MARCHF1: variants seen among roughly 807,000 people sequenced by gnomAD.
MARCHF1 encodes E3 ubiquitin-protein ligase MARCHF1.
MARCHF1 carries 40 observed loss-of-function variants against 54.2 expected under a neutral mutation model. That is an observed-to-expected ratio of 0.74 (90% CI 0.57 to 0.96). The LOEUF is 0.96. MARCHF1 is among the 40% of genes least tolerant of loss of function. MARCHF1 has a pLI of 0.00. For synonymous variants in MARCHF1, 236 were observed against 236.3 expected, an observed-to-expected ratio of 1.00 and a Z score of 0.01; for missense variants, 586 against 656.5, an observed-to-expected ratio of 0.89 and a Z score of 1.17.
At chr4:163,623,607 T>C (rs530732027) in intron 5 of MARCHF1, among the ~76,000 whole-genome samples, 63 of 152,308 alleles carry the variant, frequency 4.1e-4, no homozygotes, top group African/African-American at 1.5e-3. Context: ...ATCCATCTCA[T>C]TGACTTTCAG....
intron 1 of MARCHF1, among the ~76,000 whole-genome samples, chr4:164,181,401 G>A (rs1462804534): frequency 6.6e-6 from 1 of 152,110 alleles, no homozygotes; most frequent in African/African-American, 2.4e-5. Context: ...CACTATGTAT[G>A]TCTAATTTTT....
Position 163,671,962 on chromosome 4 carries a change from T to C in MARCHF1, c.162+28851A>G, listed in dbSNP as rs568881038. Among the ~76,000 whole-genome samples the C allele has an allele frequency of 5.3e-5, 8 of 152,304 alleles. No individual in the cohort carries two copies. In the South Asian group the frequency reaches 1.7e-3, roughly 32 times the overall value. On this transcript the variant is annotated intron_variant, in intron 5 of 9. Transcript: ENST00000514618. ...TCTGTATTTTAGGAGTAATCAAAGATTATTGTTCAGATAAAGAAAAGATGA... is the reference window on the plus strand; with the variant it reads ...TCTGTATTTTAGGAGTAATCAAAGACTATTGTTCAGATAAAGAAAAGATGA...
At chr4:163,899,258 A>G (rs1750884452) in intron 3 of MARCHF1, among the ~76,000 whole-genome samples, 1 of 152,164 alleles carries the variant, frequency 6.6e-6, no homozygotes, top group South Asian at 2.1e-4. Context: ...TCTAACTCCC[A>G]TTAGACTTTT....
chr4:163,903,714 G>A (rs1439380327), intron 3 of MARCHF1, among the ~76,000 whole-genome samples: 1 of 151,882 alleles, frequency 6.6e-6, no homozygotes, highest in African/African-American at 2.4e-5. Context: ...AGGCTCAAGT[G>A]ATTTTCCTGC....
intron 3 of MARCHF1, among the ~76,000 whole-genome samples, chr4:163,929,963 A>ATATTAT (rs56692278): frequency 0.015 from 936 of 62,144 alleles, 11 homozygotes; most frequent in East Asian, 0.043. Context: ...TATTATATAT[A>ATATTAT]ATATATATAA....
intron 1 of MARCHF1, among the ~76,000 whole-genome samples, chr4:164,358,935 GC>G (rs1331703063): frequency 6.6e-6 from 1 of 151,964 alleles, no homozygotes; most frequent in African/African-American, 2.4e-5. Flanking sequence ...TATTTTTATA[GC>G]AATGATGTTT....
intron 7 of MARCHF1, among the ~76,000 whole-genome samples, chr4:163,591,282 C>A (rs7661161): frequency 0.019 from 2,845 of 151,986 alleles, 78 homozygotes; most frequent in African/African-American, 0.063. Flanking sequence ...ATACCTTTGA[C>A]ACCTTCCCTC....
At chr4:164,172,258 A>G (rs963507876) in intron 1 of MARCHF1, among the ~76,000 whole-genome samples, 2 of 152,200 alleles carry the variant, frequency 1.3e-5, no homozygotes, top group African/African-American at 4.8e-5. Context: ...AACAAATTAA[A>G]TTCTTGTTTA....
chr4:164,229,158 T>C (rs1374146553), intron 1 of MARCHF1, among the ~76,000 whole-genome samples: 2 of 152,244 alleles, frequency 1.3e-5, no homozygotes, highest in Non-Finnish European at 2.9e-5. Flanking sequence ...AACAAATTCT[T>C]TGACACATCT....
chr4:163,613,099 CAG>C (rs969930790), intron 6 of MARCHF1, 61 bp from the exon 7 acceptor site: 26 of 1,392,130 alleles, frequency 1.9e-5, no homozygotes, highest in East Asian at 5.1e-5. Flanking sequence ...CATGGAAAAA[CAG>C]AGAGAGAGAA....
intron 4 of MARCHF1, among the ~76,000 whole-genome samples, chr4:163,821,478 C>T (rs1327112264): frequency 6.6e-6 from 1 of 151,834 alleles, no homozygotes; most frequent in African/African-American, 2.4e-5. Flanking sequence ...TTTCAATCAT[C>T]CAGATTGATA....
chr4:163,937,348 A>G (rs1190177432), intron 3 of MARCHF1, among the ~76,000 whole-genome samples: 1 of 152,126 alleles, frequency 6.6e-6, no homozygotes, highest in East Asian at 1.9e-4. Flanking sequence ...AGTTAATAAC[A>G]AAAGCTACAG....
intron 8 of MARCHF1, among the ~76,000 whole-genome samples, chr4:163,549,494 AC>A (rs1422133371): frequency 6.6e-6 from 1 of 151,564 alleles, no homozygotes; most frequent in East Asian, 1.9e-4. Flanking sequence ...TACACTGCCG[AC>A]CCTCTGATCT....
chr4:163,717,281 A>C (rs1037939186), intron 4 of MARCHF1, among the ~76,000 whole-genome samples: 2 of 151,330 alleles, frequency 1.3e-5, no homozygotes, highest in African/African-American at 2.4e-5. Context: ...TTTGCTGAGA[A>C]TGATGGTTTC....
intron 4 of MARCHF1, among the ~76,000 whole-genome samples, chr4:163,774,502 CTT>C (rs369862555): frequency 1.5e-5 from 2 of 137,862 alleles, no homozygotes; most frequent in African/African-American, 2.7e-5. Context: ...AAGTGTTAGG[CTT>C]TTTTTTTTTT....
In MARCHF1 at chr4:163,873,629, G is replaced by A. The variant is rs78808386; in HGVS notation, c.-38-19460C>T. Among the ~76,000 whole-genome samples the A allele has an allele frequency of 7.0e-3, 1,068 of 152,292 alleles. 3 individuals carry two copies. Among genetic ancestry groups the A allele is most frequent in the Non-Finnish European group, 0.012 (834 of 68,014 alleles). On this transcript the variant is annotated intron_variant, in intron 3 of 9. Coordinates refer to ENST00000514618, the MANE Select transcript of MARCHF1 (RefSeq NM_001394959.1). ...TTTAGTGGCTTGGTTACACAATCAA[G>A]AAGTGTGTGGAGATTAATGCCCAGT...
At chr4:164,208,997 T>TAA (rs1306655376) in intron 1 of MARCHF1, among the ~76,000 whole-genome samples, 1 of 150,562 alleles carries the variant, frequency 6.6e-6, no homozygotes, top group Non-Finnish European at 1.5e-5. Flanking sequence ...TCTCTATATA[T>TAA]AATATATATA....
chr4:163,829,541 C>G (rs767327788), intron 4 of MARCHF1, among the ~76,000 whole-genome samples: 83 of 152,300 alleles, frequency 5.4e-4, no homozygotes, highest in Admixed American at 9.8e-4. Context: ...GCCAAATCTC[C>G]TTACTGCTCT....
At position 163,773,849 on chromosome 4, in the gene MARCHF1, TTAAGA is replaced by T. The variant is rs112073177; in HGVS notation, c.112-72991_112-72987del. ...CAAAGTTTCTACATATCTGTTTCCC[TTAAGA>T]TAAGTTCATAAACATTTTTACAATA... On this transcript the variant is annotated intron_variant, in intron 4 of 9. Transcript: ENST00000514618. Among the ~76,000 whole-genome samples, 532 of 152,246 alleles carry T rather than the reference TTAAGA, an allele frequency of 3.5e-3. 8 individuals carry two copies. Among genetic ancestry groups the T allele is most frequent in the African/African-American group, 0.012 (496 of 41,546 alleles).
Sources: gnomAD v4.1 joint callset for allele counts (sites outside exome capture counted in the v4.1 genomes callset) on GRCh38, gnomAD v4.1.1 for gene constraint, MANE v1.5 for transcripts, NCBI Gene and HGNC (gene_info 2026-07-23, HGNC 2026-07-21) for gene names.